The following C1GALT1 variants were observed in gnomAD, a reference collection of about 807,000 sequenced individuals.
C1GALT1 encodes core 1 synthase, glycoprotein-N-acetylgalactosamine 3-beta-galactosyltransferase 1, also known as glycoprotein-N-acetylgalactosamine 3-beta-galactosyltransferase 1.
A neutral mutation model predicts 31.0 loss-of-function variants in C1GALT1; 11 were observed. The ratio of observed to expected loss-of-function variants is 0.36; its 90% CI spans 0.22 to 0.59. C1GALT1 has a LOEUF of 0.59. C1GALT1 is among the 20% of genes least tolerant of loss of function. The pLI is 0.79. For missense variants in C1GALT1, 424 were observed against 425.2 expected (o/e 1.00, Z 0.03); for synonymous variants, 175 against 143.6 (o/e 1.22, Z -1.56).
chr7:7,188,118 G>A (rs1780901760), intron 1 of C1GALT1, among the ~76,000 whole-genome samples: 1 of 152,022 alleles, frequency 6.6e-6, no homozygotes, highest in Admixed American at 6.6e-5. Context: ...GAAATGGAGA[G>A]GAGACAATGG....
intron 2 of C1GALT1, among the ~76,000 whole-genome samples, chr7:7,237,252 G>T (rs1367372529): frequency 6.6e-6 from 1 of 152,166 alleles, no homozygotes; most frequent in African/African-American, 2.4e-5. Flanking sequence ...TACTCATCTA[G>T]AATCTCATCA....
At chr7:7,180,379 T>A (rs1780556869), upstream of C1GALT1, among the ~76,000 whole-genome samples, 1 of 152,250 alleles carries the variant, frequency 6.6e-6, no homozygotes, top group African/African-American at 2.4e-5. Flanking sequence ...ATAAGAATGT[T>A]CATCAGAGAC....
At chr7:7,170,416 T>G (rs1478051010) in intron 2 of C1GALT1, among the ~76,000 whole-genome samples, 2 of 152,232 alleles carry the variant, frequency 1.3e-5, no homozygotes, top group Non-Finnish European at 2.9e-5. Flanking sequence ...TTTATAGTTA[T>G]AAGTTTGCCT....
intron 1 of C1GALT1, among the ~76,000 whole-genome samples, chr7:7,233,774 C>T (rs1176594578): frequency 6.6e-6 from 1 of 152,160 alleles, no homozygotes; most frequent in Non-Finnish European, 1.5e-5. Flanking sequence ...ACTGTGCTGA[C>T]CCTAGTCCTC....
chr7:7,230,194 A>G (rs1234031019), intron 1 of C1GALT1, among the ~76,000 whole-genome samples: 1 of 152,204 alleles, frequency 6.6e-6, no homozygotes, highest in Non-Finnish European at 1.5e-5. Flanking sequence ...TATATCAAAT[A>G]TGAATATATT....
intron 2 of C1GALT1, among the ~76,000 whole-genome samples, chr7:7,159,189 T>G (rs1780305536): frequency 6.6e-6 from 1 of 152,096 alleles, no homozygotes. Context: ...CTTTTGGAGG[T>G]CAGAAACTGT....
intron 1 of C1GALT1, among the ~76,000 whole-genome samples, chr7:7,218,006 G>A (rs762334797): frequency 2.6e-5 from 4 of 152,166 alleles, no homozygotes; most frequent in African/African-American, 7.2e-5. Flanking sequence ...TGCCATTTGC[G>A]GGGAGCTTTA....
intron 2 of C1GALT1, among the ~76,000 whole-genome samples, chr7:7,170,874 T>C (rs1382271950): frequency 6.6e-6 from 1 of 152,242 alleles, no homozygotes; most frequent in Non-Finnish European, 1.5e-5. Flanking sequence ...CTTTGACCAA[T>C]GAGTGTTTGG....
chr7:7,176,297 A>C (rs11773799), intron 2 of C1GALT1, among the ~76,000 whole-genome samples: 16,975 of 152,234 alleles, frequency 0.11, 1,034 homozygotes, highest in East Asian at 0.15. Flanking sequence ...AAGAAAAAAA[A>C]AATGCCACAT....
Position 7,214,024 on chromosome 7 carries a change from T to G in C1GALT1, c.-17-20279T>G, listed in dbSNP as rs538464145. Among the ~76,000 whole-genome samples the G allele has an allele frequency of 3.9e-5, 6 of 152,346 alleles. No individual in the cohort carries two copies. In the South Asian group the frequency reaches 1.2e-3, roughly 32 times the overall value. ...AGTGGGGGGTAGGGATGTTTCCTTA[T>G]CTTCCAGGTGGCCAAGAGCATGCTT... On this transcript the variant is annotated intron_variant, in intron 1 of 3. Coordinates refer to ENST00000436587, the MANE Select transcript of C1GALT1 (RefSeq NM_020156.5).
In C1GALT1 at chr7:7,238,646, G is replaced by C. The variant is rs1783480001; in HGVS notation, c.612G>C (p.Gln204His). Residue 204 changes from glutamine to histidine, a missense_variant, in exon 3 of 4, where the codon CAG (glutamine) becomes CAC (histidine). This residue lies in a region of C1GALT1 where 44 missense variants were observed against 78.3 expected (regional missense o/e 0.56). Coordinates refer to ENST00000436587, the MANE Select transcript of C1GALT1 (RefSeq NM_020156.5). This position sits in a 1 kb window ranked among gnomAD's most constrained non-coding sequence, Gnocchi z 5.2. The part of the protein sequence containing the change: ...FGRRFKPYVK[Q>H]GYMSGGAGYV... The stretch of plus-strand genomic sequence containing the variant: ...GAAGATTTAAGCCTTATGTAAAGCA[G>C]GGCTACATGAGTGGAGGAGCAGGAT... 5 of 1,613,948 alleles carry C rather than the reference G, an allele frequency of 3.1e-6. No individual in the cohort carries two copies. Among genetic ancestry groups the C allele is most frequent in the African/African-American group, 2.7e-5 (2 of 74,918 alleles).
rs1166790674 is a variant in C1GALT1 at position 7,162,336 on chromosome 7, A to G, written c.-18+4910A>G. 5.9e-5 allele frequency among the ~76,000 whole-genome samples: 8 copies of G among 136,256 alleles called. No homozygotes were observed. The South Asian group carries it at 9.4e-4, about 16-fold the overall frequency. The allele number at this position is 136,256 out of a possible 152,430, so 89.4% of individuals were successfully genotyped here. On this transcript the variant is annotated intron_variant, in intron 2 of 3. Transcript: ENST00000429911. ...TGTGTCCATGTGTTCTCATTGTTCA[A>G]TTCCCATCTATGAGTGAGAACATGT...
intron 3 of C1GALT1, among the ~76,000 whole-genome samples, chr7:7,240,061 A>G (rs1241900867): frequency 1.3e-5 from 2 of 152,192 alleles, no homozygotes; most frequent in Non-Finnish European, 1.5e-5. Context: ...TAAATAATAC[A>G]CTTCATGCTA....
chr7:7,200,717 ACTTCT>A (rs1319833973), intron 1 of C1GALT1, among the ~76,000 whole-genome samples: 3 of 151,776 alleles, frequency 2.0e-5, no homozygotes, highest in Non-Finnish European at 2.9e-5. Context: ...CTTTCTCTAA[ACTTCT>A]CTTCTCTCTT....
At chr7:7,240,788 C>T (rs1449185153) in intron 3 of C1GALT1, among the ~76,000 whole-genome samples, 3 of 152,168 alleles carry the variant, frequency 2.0e-5, no homozygotes, top group East Asian at 3.9e-4. Context: ...CTTACATAAA[C>T]CCAACGTGAA....
intron 1 of C1GALT1, among the ~76,000 whole-genome samples, chr7:7,220,763 G>C (rs1464038107): frequency 3.3e-5 from 5 of 152,152 alleles, no homozygotes; most frequent in Admixed American, 3.3e-4. Flanking sequence ...CTTGTGATCT[G>C]CTGGCCTCGG....
intron 1 of C1GALT1, among the ~76,000 whole-genome samples, chr7:7,212,497 A>G (rs1020364364): frequency 6.6e-5 from 10 of 152,340 alleles, no homozygotes; most frequent in African/African-American, 2.4e-4. Flanking sequence ...TCTCCAAATT[A>G]TAGAGGAACC....
intron 1 of C1GALT1, among the ~76,000 whole-genome samples, chr7:7,228,575 C>G (rs1203966791): frequency 6.6e-6 from 1 of 152,044 alleles, no homozygotes; most frequent in Non-Finnish European, 1.5e-5. Context: ...GCATTCTACC[C>G]CCATGAGATG....
intron 1 of C1GALT1, among the ~76,000 whole-genome samples, chr7:7,218,967 G>A (rs1369187465): frequency 6.6e-6 from 1 of 151,844 alleles, no homozygotes; most frequent in Non-Finnish European, 1.5e-5. Flanking sequence ...CTGAGTAGCT[G>A]GGACTACAGG....
Sources: allele counts gnomAD v4.1 joint callset (sites outside exome capture counted in the v4.1 genomes callset), GRCh38; gene constraint gnomAD v4.1.1; regional missense constraint gnomAD v4.1.1; non-coding constraint Gnocchi (gnomAD v3.1); transcripts MANE v1.5; gene names NCBI Gene and HGNC (gene_info 2026-07-23, HGNC 2026-07-21).